KIF6: variants seen among roughly 807,000 people sequenced by gnomAD.
KIF6 encodes the protein kinesin-like protein KIF6.
KIF6 carries 106 observed loss-of-function variants against 112.7 expected under a neutral mutation model. The ratio of observed to expected loss-of-function variants is 0.94; its 90% confidence interval spans 0.80 to 1.11. The LOEUF is 1.11. Among genes scored for constraint, KIF6 ranks in the 50% least tolerant of loss-of-function variants. The pLI is 0.00. For synonymous variants in KIF6, 339 were observed against 339.9 expected (o/e 1.00, Z 0.03); for missense variants, 929 against 964.0 (o/e 0.96, Z 0.48).
chr6:39,379,121 T>C (rs1429506322), intron 16 of KIF6, among the ~76,000 whole-genome samples: 1 of 152,250 alleles, frequency 6.6e-6, no homozygotes, highest in Non-Finnish European at 1.5e-5. Context: ...GAAGAAATTC[T>C]ATTTTCTGCA....
At chr6:39,453,456 T>C (rs1293480734) in intron 13 of KIF6, among the ~76,000 whole-genome samples, 2 of 152,226 alleles carry the variant, frequency 1.3e-5, no homozygotes, top group Non-Finnish European at 2.9e-5. Context: ...GCATGAGGAA[T>C]TTGGCTCTGG....
chr6:39,592,687 A>G (rs543627903), intron 7 of KIF6, among the ~76,000 whole-genome samples: 15 of 152,328 alleles, frequency 9.8e-5, no homozygotes, highest in African/African-American at 3.6e-4. Context: ...GCCAAGATGT[A>G]CCCTGTTATT....
intron 3 of KIF6, among the ~76,000 whole-genome samples, chr6:39,660,540 C>T (rs1416748695): frequency 6.6e-6 from 1 of 152,140 alleles, no homozygotes; most frequent in Non-Finnish European, 1.5e-5. Context: ...ACAATCTTGT[C>T]AATGAAGCTT....
chr6:39,635,085 C>T (rs1351759073), intron 4 of KIF6, 127 bp from the exon 5 acceptor site: 1 of 603,036 alleles, frequency 1.7e-6, no homozygotes, highest in African/African-American at 1.9e-5. Flanking sequence ...ATATGGTTTA[C>T]ATTTTCAGTT....
At chr6:39,719,713 T>G (rs1366943859) in intron 2 of KIF6, among the ~76,000 whole-genome samples, 1 of 152,184 alleles carries the variant, frequency 6.6e-6, no homozygotes, top group Non-Finnish European at 1.5e-5. Flanking sequence ...CTGTTTGGTA[T>G]TTTTCAACTG....
chr6:39,592,517 T>C (rs1782006820), intron 7 of KIF6, among the ~76,000 whole-genome samples: 1 of 152,202 alleles, frequency 6.6e-6, no homozygotes, highest in African/African-American at 2.4e-5. Flanking sequence ...GCAACTCTGA[T>C]TCTGATTTCC....
At chr6:39,563,110 G>A (rs1470467578) in intron 10 of KIF6, among the ~76,000 whole-genome samples, 5 of 152,140 alleles carry the variant, frequency 3.3e-5, no homozygotes, top group African/African-American at 1.2e-4. Flanking sequence ...GTGCAGGGGT[G>A]CGCACCTGTA....
chr6:39,477,925 A>G (rs1774532031), intron 13 of KIF6, among the ~76,000 whole-genome samples: 1 of 152,184 alleles, frequency 6.6e-6, no homozygotes, highest in Non-Finnish European at 1.5e-5. Context: ...TTACAACATG[A>G]TATCATGGGA....
intron 3 of KIF6, among the ~76,000 whole-genome samples, chr6:39,655,903 T>C (rs541400103): frequency 5.3e-5 from 8 of 152,376 alleles, no homozygotes; most frequent in Admixed American, 1.3e-4. Flanking sequence ...TGACTATTCT[T>C]GTACATGTTC....
At chr6:39,647,537 G>C (rs1033573884) in intron 3 of KIF6, among the ~76,000 whole-genome samples, 2 of 152,050 alleles carry the variant, frequency 1.3e-5, no homozygotes, top group Admixed American at 6.6e-5. Context: ...GAGTGCCTTT[G>C]TGTCTCCTGT....
intron 10 of KIF6, among the ~76,000 whole-genome samples, chr6:39,553,602 T>C (rs1779517080): frequency 6.6e-6 from 1 of 152,252 alleles, no homozygotes; most frequent in Non-Finnish European, 1.5e-5. Flanking sequence ...CAGTAGGGCA[T>C]ATTTTACAAG....
intron 6 of KIF6, among the ~76,000 whole-genome samples, chr6:39,606,415 C>T (rs1432334658): frequency 6.6e-6 from 1 of 152,112 alleles, no homozygotes; most frequent in African/African-American, 2.4e-5. Context: ...TTAGCCCTGA[C>T]ACCTACTCCA....
intron 7 of KIF6, among the ~76,000 whole-genome samples, chr6:39,595,469 A>G (rs969122310): frequency 3.3e-5 from 5 of 152,222 alleles, no homozygotes; most frequent in African/African-American, 7.2e-5. Flanking sequence ...TGACGTTTCA[A>G]TAAAATGGTA....
chr6:39,642,122 G>A (rs907567510), intron 3 of KIF6, among the ~76,000 whole-genome samples: 8 of 152,060 alleles, frequency 5.3e-5, no homozygotes, highest in African/African-American at 1.9e-4. Flanking sequence ...GGTCTCATCT[G>A]TCCTAAGGAA....
At chr6:39,551,781 T>C (rs541491969) in intron 10 of KIF6, among the ~76,000 whole-genome samples, 2 of 152,326 alleles carry the variant, frequency 1.3e-5, no homozygotes, top group Admixed American at 6.5e-5. Context: ...TATGGCAGAA[T>C]GATTGGTTGA....
chr6:39,721,547 G>T (rs558617096), intron 1 of KIF6, among the ~76,000 whole-genome samples: 1 of 151,934 alleles, frequency 6.6e-6, no homozygotes, highest in African/African-American at 2.4e-5. Flanking sequence ...TATTGGCCAG[G>T]AAAATTAAAA....
chr6:39,344,202 C>A (rs963420071), intron 21 of KIF6, among the ~76,000 whole-genome samples: 1 of 152,190 alleles, frequency 6.6e-6, no homozygotes, highest in Non-Finnish European at 1.5e-5. Context: ...TGTTTTCATA[C>A]GAGGTTTCCC....
intron 15 of KIF6, among the ~76,000 whole-genome samples, chr6:39,409,319 C>T (rs1349789428): frequency 6.6e-6 from 1 of 152,148 alleles, no homozygotes; most frequent in Non-Finnish European, 1.5e-5. Flanking sequence ...CCTGGCCACC[C>T]TTTTGGCCTT....
chr6:39,638,993 G>T (rs549275325), intron 4 of KIF6, among the ~76,000 whole-genome samples: 5 of 152,146 alleles, frequency 3.3e-5, no homozygotes, highest in Non-Finnish European at 7.4e-5. Context: ...ACAGGATGTG[G>T]GCCCAGAGGA....
Sources: allele counts gnomAD v4.1 joint callset (sites outside exome capture counted in the v4.1 genomes callset), GRCh38; gene constraint gnomAD v4.1.1; transcripts MANE v1.5; gene names NCBI Gene and HGNC (gene_info 2026-07-23, HGNC 2026-07-21).